Variants in CADPS2 observed in about 807,000 individuals in gnomAD.
CADPS2 encodes calcium-dependent secretion activator 2.
In CADPS2, 93 loss-of-function variants were observed where a neutral mutation model predicts 172.5. The observed-to-expected ratio is 0.54, with a 90% CI of 0.46 to 0.64. The LOEUF is 0.64. CADPS2 is among the 30% of genes least tolerant of loss of function. The pLI, the probability that CADPS2 is intolerant of heterozygous loss-of-function variation, is 0.00. For missense variants in CADPS2, 1,420 were observed against 1,565.9 expected, an observed-to-expected ratio of 0.91 and a Z score of 1.57; for synonymous variants, 546 against 555.2, an observed-to-expected ratio of 0.98 and a Z score of 0.23.
At chr7:122,769,324 T>C (rs763641859) in intron 1 of CADPS2, among the ~76,000 whole-genome samples, 5 of 152,326 alleles carry the variant, frequency 3.3e-5, no homozygotes, top group African/African-American at 2.4e-5. Context: ...ACAGGATAGA[T>C]AGAGCTTTCC....
chr7:122,580,967 T>C (rs1182464942), intron 7 of CADPS2, among the ~76,000 whole-genome samples: 2 of 152,162 alleles, frequency 1.3e-5, no homozygotes, highest in African/African-American at 4.8e-5. Flanking sequence ...ATTTACCCCT[T>C]ACACAACCAA....
intron 1 of CADPS2, among the ~76,000 whole-genome samples, chr7:122,739,416 T>C (rs2137908316): frequency 6.6e-6 from 1 of 152,318 alleles, no homozygotes; most frequent in South Asian, 2.1e-4. Context: ...TTGCAATTTC[T>C]ACATCATTAG....
chr7:122,417,436 T>C (rs1189112561), intron 17 of CADPS2, among the ~76,000 whole-genome samples: 1 of 152,136 alleles, frequency 6.6e-6, no homozygotes, highest in Non-Finnish European at 1.5e-5. Flanking sequence ...CACCAAATAG[T>C]CAAGTGTGCC....
intron 6 of CADPS2, among the ~76,000 whole-genome samples, chr7:122,596,205 A>G (rs1452430580): frequency 6.6e-6 from 1 of 152,116 alleles, no homozygotes; most frequent in Non-Finnish European, 1.5e-5. Context: ...CAAAAATGCT[A>G]TACACACAGG....
chr7:122,321,293 A>G (rs1419877480), intron 29 of CADPS2, among the ~76,000 whole-genome samples: 1 of 152,088 alleles, frequency 6.6e-6, no homozygotes, highest in East Asian at 1.9e-4. Context: ...TAGCCTCCTG[A>G]GGAGCTGGGA....
intron 7 of CADPS2, among the ~76,000 whole-genome samples, chr7:122,580,163 C>T (rs1163506040): frequency 2.0e-5 from 3 of 151,980 alleles, no homozygotes; most frequent in Non-Finnish European, 4.4e-5. Context: ...GATAGGTTCA[C>T]ATTACAGAGG....
chr7:122,798,101 TG>T (rs1202372618), intron 1 of CADPS2, among the ~76,000 whole-genome samples: 1 of 152,070 alleles, frequency 6.6e-6, no homozygotes, highest in Non-Finnish European at 1.5e-5. Context: ...ATGCAGTTGT[TG>T]CATTAAAAAA....
intron 1 of CADPS2, among the ~76,000 whole-genome samples, chr7:122,791,333 C>T (rs1003947922): frequency 5.3e-5 from 8 of 152,076 alleles, no homozygotes; most frequent in African/African-American, 1.7e-4. Flanking sequence ...TTGAAAGATA[C>T]ACACACACAC....
chr7:122,827,303 A>G (rs1389714254), intron 1 of CADPS2, among the ~76,000 whole-genome samples: 1 of 152,188 alleles, frequency 6.6e-6, no homozygotes, highest in Non-Finnish European at 1.5e-5. Context: ...AAAATATCCA[A>G]AAAAGAAAAT....
chr7:122,511,336 T>G (rs1212614539), intron 9 of CADPS2, among the ~76,000 whole-genome samples: 1 of 152,086 alleles, frequency 6.6e-6, no homozygotes, highest in African/African-American at 2.4e-5. Flanking sequence ...CCCTATAACT[T>G]CTGAGTCTTA....
chr7:122,557,040 T>C (rs911078530), intron 7 of CADPS2, among the ~76,000 whole-genome samples: 1 of 152,130 alleles, frequency 6.6e-6, no homozygotes, highest in African/African-American at 2.4e-5. Flanking sequence ...GGAATGTTTG[T>C]TTTTCTGGAC....
intron 2 of CADPS2, among the ~76,000 whole-genome samples, chr7:122,736,247 CTTGT>C (rs1345919757): frequency 6.6e-6 from 1 of 152,122 alleles, no homozygotes; most frequent in Non-Finnish European, 1.5e-5. Flanking sequence ...CACATTTTCC[CTTGT>C]TTATTAGTCT....
chr7:122,466,749 A>G (rs191036525), intron 14 of CADPS2, among the ~76,000 whole-genome samples: 3 of 152,340 alleles, frequency 2.0e-5, no homozygotes, highest in Admixed American at 6.5e-5. Flanking sequence ...AGTAGGTAGC[A>G]TTAATGTTAT....
intron 2 of CADPS2, among the ~76,000 whole-genome samples, chr7:122,683,889 C>T (rs1473285395): frequency 6.6e-6 from 1 of 152,092 alleles, no homozygotes; most frequent in Non-Finnish European, 1.5e-5. Flanking sequence ...ACTGTGTCTA[C>T]ACTGTCCTGG....
At position 122,678,215 on chromosome 7, in the gene CADPS2, C is replaced by G. The variant is rs1163572044; in HGVS notation, c.454-14646G>C. On this transcript the variant is annotated intron_variant, in intron 2 of 29. Coordinates refer to ENST00000449022, the MANE Select transcript of CADPS2 (RefSeq NM_017954.11). ...AAAGAAAATACAAGGACTTCAAAGT[C>G]CATTTTAATAAAGCTGATTTTAATA... Among the ~76,000 whole-genome samples the G allele has an allele frequency of 2.0e-5, 3 of 152,106 alleles. No individual in the cohort carries two copies. In the East Asian group the frequency reaches 5.8e-4, roughly 29 times the overall value.
At chr7:122,621,366 T>A in intron 5 of CADPS2, 115 bp downstream of exon 5, 1 of 694,778 alleles carries the variant, frequency 1.4e-6, no homozygotes, top group Non-Finnish European at 2.4e-6. Context: ...TAATTTAACA[T>A]CTCCAACATA....
rs184879207 is a variant in CADPS2 at position 122,822,082 on chromosome 7, T to A, written c.339+63917A>T. Among the ~76,000 whole-genome samples, 219 of 152,014 alleles carry A rather than the reference T, an allele frequency of 1.4e-3. 3 individuals are homozygous for A. In the East Asian group the frequency reaches 0.034, roughly 24 times the overall value. On this transcript the variant is annotated intron_variant, in intron 1 of 29. Coordinates refer to ENST00000449022, the MANE Select transcript of CADPS2 (RefSeq NM_017954.11). ...TTACACTGCCGGTTTACACTGTTTT[T>A]CCAAGCCATCACAGCTGATATCTCC... is the stretch of plus-strand genomic sequence containing the variant.
chr7:122,427,658 C>T (rs1388238910), intron 17 of CADPS2, among the ~76,000 whole-genome samples: 2 of 152,148 alleles, frequency 1.3e-5, no homozygotes, highest in Non-Finnish European at 2.9e-5. Context: ...ATAGATGGAT[C>T]TGACCCTATG....
intron 17 of CADPS2, among the ~76,000 whole-genome samples, chr7:122,428,821 A>C (rs2049515974): frequency 1.3e-5 from 2 of 152,126 alleles, no homozygotes; most frequent in Admixed American, 1.3e-4. Context: ...TTGCCTAAAG[A>C]ACTTTTGCAT....
Sources: allele counts gnomAD v4.1 joint callset (sites outside exome capture counted in the v4.1 genomes callset), GRCh38; gene constraint gnomAD v4.1.1; transcripts MANE v1.5; gene names NCBI Gene and HGNC (gene_info 2026-07-23, HGNC 2026-07-21).